The following AMD1 variants were observed in gnomAD, a reference collection of about 807,000 sequenced individuals.
The protein encoded by AMD1 is adenosylmethionine decarboxylase 1.
A neutral mutation model predicts 40.2 loss-of-function variants in AMD1; 11 were observed. The ratio of observed to expected loss-of-function variants is 0.27; its 90% CI spans 0.17 to 0.45. The LOEUF (loss-of-function observed/expected upper bound fraction) is 0.45, where lower values mean the gene tolerates loss of function less well. Among genes scored for constraint, AMD1 ranks in the 20% least tolerant of loss-of-function variants. The probability of loss-of-function intolerance (pLI) is 1.00; values close to 1 mark genes in which losing one functional copy is unlikely to be tolerated. For missense variants in AMD1, 257 were observed against 410.2 expected, an observed-to-expected ratio of 0.63 and a Z score of 3.23; for synonymous variants, 121 against 130.8, an observed-to-expected ratio of 0.93 and a Z score of 0.51.
At chr6:110,842,251 A>C in the AMD1 span, among the ~76,000 whole-genome samples, 2 of 152,150 alleles carry the variant, frequency 1.3e-5, no homozygotes, top group South Asian at 4.1e-4. Flanking sequence ...CTATGTTTTT[A>C]CCAAGTTGTA....
At chr6:110,843,150 AC>A in the AMD1 span, among the ~76,000 whole-genome samples, 11 of 151,078 alleles carry the variant, frequency 7.3e-5, no homozygotes, top group East Asian at 2.1e-3. Context: ...AGTCTAAAAA[AC>A]ATATGCTTTT....
chr6:110,871,605 A>G (rs1450856927), upstream of AMD1, among the ~76,000 whole-genome samples: 3 of 152,200 alleles, frequency 2.0e-5, no homozygotes, highest in South Asian at 2.1e-4. Context: ...GTAAGAAGAG[A>G]TAAGAGTGGA....
chr6:110,887,466 C>A, intron 1 of AMD1, 39 bp from the exon 2 acceptor site: 10 of 1,458,498 alleles, frequency 6.9e-6, no homozygotes, highest in Non-Finnish European at 8.5e-6. Flanking sequence ...TAGGTGGGTA[C>A]TATTGTGGAT....
chr6:110,878,548 A>G (rs769091721), intron 1 of AMD1, among the ~76,000 whole-genome samples: 1 of 152,236 alleles, frequency 6.6e-6, no homozygotes, highest in Non-Finnish European at 1.5e-5. Flanking sequence ...ATAAAGGACA[A>G]TTAAGGGAGA....
the AMD1 span, among the ~76,000 whole-genome samples, chr6:110,839,660 T>C: frequency 2.0e-5 from 3 of 152,186 alleles, no homozygotes; most frequent in Admixed American, 1.3e-4. Context: ...ATGTTTTATG[T>C]ATTCTATCCA....
upstream of AMD1, among the ~76,000 whole-genome samples, chr6:110,874,087 G>A (rs1784973037): frequency 1.3e-5 from 2 of 152,214 alleles, no homozygotes; most frequent in Non-Finnish European, 2.9e-5. Context: ...ACGGTGGGAG[G>A]TGGGTAAAGC....
the AMD1 span, among the ~76,000 whole-genome samples, chr6:110,843,465 GAA>G: frequency 1.6e-5 from 2 of 121,960 alleles, no homozygotes; most frequent in Admixed American, 8.7e-5. Flanking sequence ...ACTCCATCTT[GAA>G]AAAAAAAAAA....
chr6:110,890,255 G>A lies in AMD1; in HGVS notation c.326G>A (p.Ser109Asn). ...RDYSGFDSIQ[S>N]FFYSRKNFMK... ...TCTTTCTTTTCTTTTTTAATAAAGAGCTTCTTTTATTCTCGTAAGAATTTC... is the reference window on the plus strand; with the variant it reads ...TCTTTCTTTTCTTTTTTAATAAAGAACTTCTTTTATTCTCGTAAGAATTTC... Residue 109 changes from serine (S) to asparagine (N), a missense_variant and splice_region_variant, in exon 4 of 9, where the codon AGC becomes AAC. This residue lies in a region of AMD1 where 192 missense variants were observed against 296.5 expected (regional missense o/e 0.65). Coordinates refer to ENST00000368885, the MANE Select transcript of AMD1 (RefSeq NM_001634.6). 6.5e-7 allele frequency: 1 copy of A among 1,544,074 alleles called. No individual in the cohort carries two copies. The highest frequency in any genetic ancestry group is 8.7e-7 in the Non-Finnish European group (1 of 1,150,180).
the AMD1 span, among the ~76,000 whole-genome samples, chr6:110,868,788 G>C: frequency 3.9e-5 from 6 of 152,144 alleles, no homozygotes; most frequent in East Asian, 1.2e-3. Flanking sequence ...AGGCGCGGTG[G>C]CTCACACCTG....
the AMD1 span, chr6:110,815,171 G>GGCC: frequency 1.3e-6 from 2 of 1,555,560 alleles, no homozygotes; most frequent in Non-Finnish European, 1.7e-6. Context: ...GGGACGCGGG[G>GGCC]GCCGCCGCCG....
At chr6:110,883,994 C>T (rs924256032) in intron 1 of AMD1, among the ~76,000 whole-genome samples, 2 of 152,142 alleles carry the variant, frequency 1.3e-5, no homozygotes, top group Non-Finnish European at 2.9e-5. Flanking sequence ...AGAAAGTAAA[C>T]CTATAAAGTT....
Position 110,895,510 on chromosome 6 carries a change from ACTG to A in AMD1, c.*1896_*1898del, listed in dbSNP as rs1490313547. 6.6e-6 allele frequency: 1 copy of A among 152,562 alleles called. No homozygotes were observed. The highest frequency in any genetic ancestry group is 1.9e-4 in the East Asian group (1 of 5,200). The allele number at this position is 152,562 out of a possible 1,614,324, so 9.5% of individuals were successfully genotyped here. On this transcript the variant is annotated 3_prime_UTR_variant, in exon 9 of 9. Transcript: ENST00000368885. ...GAATTAAGAATTCTAATGTTGAAAA[ACTG>A]CACAAATTTTTATGGGACAAAGCCT...
chr6:110,893,679 A>G lies in AMD1; in HGVS notation c.*63A>G. On this transcript the variant is annotated 3_prime_UTR_variant, in exon 9 of 9. Coordinates refer to ENST00000368885, the MANE Select transcript of AMD1 (RefSeq NM_001634.6). ...ATGTAGAAGGTGGTGGATGCTTTCT[A>G]GATGTCGATGCTGGGGGCAGTGCTT... 1.3e-6 allele frequency: 2 copies of G among 1,569,240 alleles called. No individual in the cohort carries two copies. The highest frequency in any genetic ancestry group is 1.7e-6 in the Non-Finnish European group (2 of 1,156,978).
the AMD1 span, among the ~76,000 whole-genome samples, chr6:110,826,539 G>A: frequency 6.6e-6 from 1 of 152,010 alleles, no homozygotes; most frequent in Non-Finnish European, 1.5e-5. Flanking sequence ...AGCCCACAGG[G>A]GAGAATCCTT....
At chr6:110,829,261 G>A in the AMD1 span, among the ~76,000 whole-genome samples, 1 of 151,986 alleles carries the variant, frequency 6.6e-6, no homozygotes, top group Admixed American at 6.6e-5. Context: ...GCTGAGTGCA[G>A]TGGCTCACAC....
the AMD1 span, among the ~76,000 whole-genome samples, chr6:110,816,370 G>A: frequency 6.6e-6 from 1 of 152,156 alleles, no homozygotes; most frequent in East Asian, 1.9e-4. Context: ...GGTGAACGTT[G>A]ATTGATTTCA....
chr6:110,860,757 G>A, the AMD1 span, among the ~76,000 whole-genome samples: 2 of 151,192 alleles, frequency 1.3e-5, no homozygotes, highest in African/African-American at 2.4e-5. Flanking sequence ...CCAAGATCAT[G>A]CCACTGCACT....
Position 110,895,216 on chromosome 6 carries a change from C to A in AMD1, c.*1600C>A, listed in dbSNP as rs959318736. ...TTTTTAGTGTTTCTAAACCTAAAAT[C>A]TACTTGGTTTGAAATCAAGTGGTTG... On this transcript the variant is annotated 3_prime_UTR_variant, in exon 9 of 9. Coordinates refer to ENST00000368885, the MANE Select transcript of AMD1 (RefSeq NM_001634.6). 3 of 152,178 alleles carry A rather than the reference C, an allele frequency of 2.0e-5. No homozygotes were observed. The highest frequency in any genetic ancestry group is 7.2e-5 in the African/African-American group (3 of 41,434). The allele number at this position is 152,178 out of a possible 1,614,324, so 9.4% of individuals were successfully genotyped here.
At chr6:110,843,233 C>T in the AMD1 span, among the ~76,000 whole-genome samples, 4 of 151,906 alleles carry the variant, frequency 2.6e-5, no homozygotes, top group Admixed American at 6.6e-5. Flanking sequence ...AAGGCCTGGG[C>T]GGGCGGATCC....
Sources: allele counts gnomAD v4.1 joint callset (sites outside exome capture counted in the v4.1 genomes callset), GRCh38; gene constraint gnomAD v4.1.1; regional missense constraint gnomAD v4.1.1; transcripts MANE v1.5; gene names NCBI Gene and HGNC (gene_info 2026-07-23, HGNC 2026-07-21).